Variants in USP37 observed in about 807,000 individuals in gnomAD.
The protein encoded by USP37 is ubiquitin specific peptidase 37.
USP37 carries 27 observed loss-of-function variants against 124.0 expected under a neutral mutation model. That is an observed-to-expected ratio of 0.22 (90% confidence interval 0.16 to 0.30). The LOEUF (loss-of-function observed/expected upper bound fraction) is 0.30, where lower values mean the gene tolerates loss of function less well. Ranked by LOEUF, USP37 falls within the 10% of genes least tolerant of loss-of-function variation. The probability of loss-of-function intolerance (pLI) is 1.00; values close to 1 mark genes in which losing one functional copy is unlikely to be tolerated. For synonymous variants in USP37, 365 were observed against 388.0 expected (o/e 0.94, Z 0.70); for missense variants, 889 against 1,140.4 (o/e 0.78, Z 3.17).
chr2:218,545,439 C>T (rs1416094811), intron 8 of USP37, among the ~76,000 whole-genome samples: 3 of 152,178 alleles, frequency 2.0e-5, no homozygotes, highest in Admixed American at 1.3e-4. Context: ...AACAACAAGA[C>T]AGAAAGAATC....
At chr2:218,556,513 T>G (rs1305057951) in intron 4 of USP37, among the ~76,000 whole-genome samples, 17 of 133,804 alleles carry the variant, frequency 1.3e-4, no homozygotes, top group Middle Eastern at 3.7e-3. Context: ...GTTTTTTTTT[T>G]TTTTTTTTTT....
In USP37 at chr2:218,477,105, TA is replaced by T. The variant is rs1691023175; in HGVS notation, c.1902-125del. ...AATTACTTAACAGAAAAAAAAGATATATCAAAAGAGGTATATTTCAGCATTA... is the reference window on the plus strand; with the variant it reads ...AATTACTTAACAGAAAAAAAAGATATTCAAAAGAGGTATATTTCAGCATTA... On this transcript the variant is annotated intron_variant, in intron 18 of 25. Coordinates refer to ENST00000258399, the MANE Select transcript of USP37 (RefSeq NM_020935.3). The T allele has an allele frequency of 1.1e-5, 12 of 1,116,828 alleles. No individual in the cohort carries two copies. In the South Asian group the frequency reaches 2.6e-4, roughly 24 times the overall value. The allele number at this position is 1,116,828 out of a possible 1,614,324, so 69.2% of individuals were successfully genotyped here.
chr2:218,474,550 A>G, intron 20 of USP37, 80 bp downstream of exon 20: 1 of 1,555,638 alleles, frequency 6.4e-7, no homozygotes, highest in East Asian at 2.3e-5. Context: ...ATCTCCCGTT[A>G]TTTGGAGGTT....
rs1323606007 is a variant in USP37, at chr2:218,474,667, A to G, written c.2262T>C (p.Thr754=). 1 of 1,614,160 alleles carries G rather than the reference A, an allele frequency of 6.2e-7. No individual in the cohort carries two copies. The highest frequency in any genetic ancestry group is 8.5e-7 in the Non-Finnish European group (1 of 1,180,034). ...DIQEMPENPD[T]METEKPKTIT... is the part of the protein sequence containing the mutation. Reference sequence around the variant, plus strand: ...TTGTTTTGGGCTTCTCAGTTTCCATAGTGTCTGGATTTTCTGGCATTTCTT... The same window carrying G: ...TTGTTTTGGGCTTCTCAGTTTCCATGGTGTCTGGATTTTCTGGCATTTCTT... Residue 754 remains threonine, a synonymous_variant, in exon 20 of 26, where the codon ACT becomes ACC. Transcript: ENST00000258399.
At chr2:218,536,268 GCTAATTTAAGGGGAACCATCATGAA>G (rs1343737580) in intron 8 of USP37, among the ~76,000 whole-genome samples, 1 of 152,104 alleles carries the variant, frequency 6.6e-6, no homozygotes, top group Non-Finnish European at 1.5e-5. Context: ...CTTTAACAGT[GCTAATTTAAGGGGAACCATCATGAA>G]CTAAGCCTGT....
At chr2:218,492,097 A>G (rs976069506) in intron 14 of USP37, among the ~76,000 whole-genome samples, 1 of 152,142 alleles carries the variant, frequency 6.6e-6, no homozygotes, top group Non-Finnish European at 1.5e-5. Flanking sequence ...GCTATTCGGG[A>G]GGCTGCGGCG....
At chr2:218,555,534 G>A (rs188800193) in intron 4 of USP37, among the ~76,000 whole-genome samples, 4 of 151,964 alleles carry the variant, frequency 2.6e-5, no homozygotes, top group Non-Finnish European at 5.9e-5. Flanking sequence ...AACATTAAAC[G>A]CATTATTTCA....
intron 21 of USP37, among the ~76,000 whole-genome samples, chr2:218,465,467 T>C (rs566103864): frequency 6.6e-6 from 1 of 152,200 alleles, no homozygotes; most frequent in Non-Finnish European, 1.5e-5. Context: ...AAATTTGGAC[T>C]AGGAATAATC....
chr2:218,535,544 C>T (rs1479979641), intron 8 of USP37, among the ~76,000 whole-genome samples: 1 of 151,682 alleles, frequency 6.6e-6, no homozygotes, highest in Admixed American at 6.6e-5. Flanking sequence ...AACCCCATCT[C>T]TATTAAAAAT....
intron 4 of USP37, among the ~76,000 whole-genome samples, chr2:218,555,699 A>G (rs1692929862): frequency 6.6e-6 from 1 of 151,802 alleles, no homozygotes; most frequent in East Asian, 1.9e-4. Flanking sequence ...ACGACACACA[A>G]CTCTTCCTCT....
In USP37 at chr2:218,484,120, C is replaced by T. The variant is rs1574864831; in HGVS notation, c.1670+1544G>A. 2.6e-5 allele frequency among the ~76,000 whole-genome samples: 4 copies of T among 151,866 alleles called. No individual in the cohort carries two copies. In the South Asian group the frequency reaches 8.3e-4, roughly 32 times the overall value. On this transcript the variant is annotated intron_variant, in intron 16 of 25. Transcript: ENST00000258399. ...GTTGCAGTGAGCCGAGATCATGCCA[C>T]CGCATTCCAGCCTGGGCAACAGAAC... is the stretch of plus-strand genomic sequence containing the variant.
intron 21 of USP37, among the ~76,000 whole-genome samples, chr2:218,463,769 T>G (rs1460653062): frequency 6.6e-6 from 1 of 151,610 alleles, no homozygotes; most frequent in East Asian, 1.9e-4. Context: ...TCTCCTGACC[T>G]TGTGATCCGC....
chr2:218,498,319 G>C (rs1487001618), intron 11 of USP37, 162 bp from the exon 12 acceptor site: 1 of 606,258 alleles, frequency 1.6e-6, no homozygotes, highest in African/African-American at 1.9e-5. Flanking sequence ...AGTAGGTTTG[G>C]ACACAAATGT....
At chr2:218,555,047 A>G (rs942823033) in intron 4 of USP37, among the ~76,000 whole-genome samples, 2 of 152,198 alleles carry the variant, frequency 1.3e-5, no homozygotes, top group Non-Finnish European at 2.9e-5. Flanking sequence ...AATTCATCTT[A>G]GACTCTACCA....
At chr2:218,542,316 C>CGGTA (rs1239468187) in intron 8 of USP37, among the ~76,000 whole-genome samples, 1 of 152,142 alleles carries the variant, frequency 6.6e-6, no homozygotes, top group African/African-American at 2.4e-5. Context: ...GAACAAGGAT[C>CGGTA]GGTAACCTAG....
At chr2:218,527,421 T>A (rs1333945704) in intron 10 of USP37, among the ~76,000 whole-genome samples, 1 of 152,230 alleles carries the variant, frequency 6.6e-6, no homozygotes, top group Non-Finnish European at 1.5e-5. Flanking sequence ...ACATTTAATT[T>A]ACATTTAGTT....
intron 25 of USP37, 61 bp downstream of exon 25, chr2:218,455,519 A>G: frequency 6.5e-7 from 1 of 1,529,832 alleles, no homozygotes; most frequent in Non-Finnish European, 8.7e-7. Context: ...GGAAAAAAAA[A>G]AAAAAAAAAG....
intron 21 of USP37, 70 bp downstream of exon 21, chr2:218,465,940 A>G (rs1305787143): frequency 3.3e-6 from 5 of 1,529,526 alleles, no homozygotes; most frequent in Non-Finnish European, 3.5e-6. Context: ...TGCTCAACAC[A>G]TTAGTTATTA....
At chr2:218,467,322 T>TCTATCTAC (rs1650435124) in intron 20 of USP37, among the ~76,000 whole-genome samples, 1 of 78,400 alleles carries the variant, frequency 1.3e-5, no homozygotes, top group African/African-American at 3.2e-5. Context: ...TCTATATCTA[T>TCTATCTAC]CTATCTATCT....
Sources: gnomAD v4.1 joint callset for allele counts (sites outside exome capture counted in the v4.1 genomes callset) on GRCh38, gnomAD v4.1.1 for gene constraint, MANE v1.5 for transcripts, NCBI Gene and HGNC (gene_info 2026-07-23, HGNC 2026-07-21) for gene names.